The following SNTG1 variants were observed in gnomAD, a reference collection of about 807,000 sequenced individuals.
SNTG1 encodes the protein gamma-1-syntrophin.
In SNTG1, 39 loss-of-function variants were observed where a neutral mutation model predicts 74.7. That is an observed-to-expected ratio of 0.52 (90% CI 0.40 to 0.68). SNTG1 has a LOEUF of 0.68. SNTG1 is among the 30% of genes least tolerant of loss of function. The pLI, the probability that SNTG1 is intolerant of heterozygous loss-of-function variation, is 0.00. For synonymous variants in SNTG1, 254 were observed against 217.1 expected, an observed-to-expected ratio of 1.17 and a Z score of -1.49; for missense variants, 685 against 609.5, an observed-to-expected ratio of 1.12 and a Z score of -1.30.
intron 1 of SNTG1, among the ~76,000 whole-genome samples, chr8:50,078,576 G>C (rs140601413): frequency 6.0e-4 from 91 of 151,986 alleles, no homozygotes; most frequent in African/African-American, 1.7e-3. Context: ...TTAAGTTCTG[G>C]GATACACCTG....
intron 1 of SNTG1, among the ~76,000 whole-genome samples, chr8:50,169,906 C>T (rs1187303053): frequency 1.3e-5 from 2 of 152,198 alleles, no homozygotes; most frequent in African/African-American, 2.4e-5. Flanking sequence ...TGAGTGTTCA[C>T]CCACTGCACT....
At chr8:49,954,461 G>T (rs1809985525) in intron 1 of SNTG1, among the ~76,000 whole-genome samples, 1 of 152,138 alleles carries the variant, frequency 6.6e-6, no homozygotes, top group South Asian at 2.1e-4. Context: ...AAGGTGATTT[G>T]TTTATAAGTC....
At chr8:49,928,001 C>T (rs1807185895) in intron 1 of SNTG1, among the ~76,000 whole-genome samples, 1 of 151,236 alleles carries the variant, frequency 6.6e-6, no homozygotes, top group Admixed American at 6.6e-5. Context: ...TGGTGGCGTG[C>T]ACCTGTAGTC....
At chr8:50,582,623 T>C (rs2094618095) in intron 12 of SNTG1, among the ~76,000 whole-genome samples, 1 of 152,154 alleles carries the variant, frequency 6.6e-6, no homozygotes, top group South Asian at 2.1e-4. Context: ...ATTTTTCTTT[T>C]AGCAGAAAAT....
At position 49,954,770 on chromosome 8, in the gene SNTG1, G is replaced by A. The variant is rs536531249; in HGVS notation, c.-103+42539G>A. 1.6e-3 allele frequency among the ~76,000 whole-genome samples: 240 copies of A among 151,766 alleles called. 3 individuals are homozygous for A. Among genetic ancestry groups the A allele is most frequent in the African/African-American group, 5.6e-3 (231 of 41,400 alleles). On this transcript the variant is annotated intron_variant, in intron 1 of 18. Transcript: ENST00000642720. ...TCCTATTTCTTTTTTAAAGCATATC[G>A]ACTTACTTATTGTTCTGCAATATTA...
intron 1 of SNTG1, among the ~76,000 whole-genome samples, chr8:50,016,556 T>G (rs946711096): frequency 6.6e-6 from 1 of 152,132 alleles, no homozygotes; most frequent in Non-Finnish European, 1.5e-5. Flanking sequence ...TTTGCAAAGC[T>G]TCTTGAACCA....
intron 1 of SNTG1, among the ~76,000 whole-genome samples, chr8:50,056,173 A>G (rs981612427): frequency 3.9e-5 from 6 of 152,130 alleles, no homozygotes; most frequent in Admixed American, 2.0e-4. Flanking sequence ...TCCTGCTTTA[A>G]TCTAAGGATT....
In SNTG1 at chr8:50,793,771, A is replaced by G. The variant is rs1212097769; in HGVS notation, c.*942A>G. 2 of 151,956 alleles carry G rather than the reference A, an allele frequency of 1.3e-5. No individual in the cohort carries two copies. Among genetic ancestry groups the G allele is most frequent in the East Asian group, 3.8e-4 (2 of 5,198 alleles). The allele number at this position is 151,956 out of a possible 1,614,324, so 9.4% of individuals were successfully genotyped here. ...GAAGTCTACTAGTTAATCATGAACT[A>G]AAATGTCCCCCGAAAACAGTCCCAA... On this transcript the variant is annotated 3_prime_UTR_variant, in exon 19 of 19. Transcript: ENST00000642720.
intron 2 of SNTG1, among the ~76,000 whole-genome samples, chr8:50,275,703 C>T (rs1234368737): frequency 6.6e-6 from 1 of 152,162 alleles, no homozygotes; most frequent in Non-Finnish European, 1.5e-5. Context: ...CTTCAAGCTT[C>T]ACCACATTCA....
intron 17 of SNTG1, among the ~76,000 whole-genome samples, chr8:50,729,815 T>A (rs2095508595): frequency 6.6e-6 from 1 of 152,154 alleles, no homozygotes; most frequent in African/African-American, 2.4e-5. Context: ...GCTTTGATTG[T>A]CCTACAGAGT....
chr8:50,135,852 G>A (rs866369925), intron 1 of SNTG1, among the ~76,000 whole-genome samples: 12 of 152,202 alleles, frequency 7.9e-5, no homozygotes, highest in African/African-American at 2.4e-4. Flanking sequence ...TTGTCTCCCA[G>A]GTAACGAACA....
At chr8:49,926,649 C>G (rs921232379) in intron 1 of SNTG1, among the ~76,000 whole-genome samples, 1 of 151,948 alleles carries the variant, frequency 6.6e-6, no homozygotes, top group Admixed American at 6.6e-5. Context: ...TTGAAGATAT[C>G]ATAAGAGAAA....
At chr8:50,485,636 T>C (rs2093785498) in intron 8 of SNTG1, among the ~76,000 whole-genome samples, 1 of 150,260 alleles carries the variant, frequency 6.7e-6, no homozygotes, top group Admixed American at 6.6e-5. Context: ...TTCACTCTGA[T>C]GGTAGTTTCT....
At chr8:49,980,069 C>A (rs16914138) in intron 1 of SNTG1, among the ~76,000 whole-genome samples, 7,456 of 152,170 alleles carry the variant, frequency 0.049, 605 homozygotes, top group African/African-American at 0.17. Context: ...AAGGAAAAAA[C>A]CACACAGCAG....
At chr8:50,115,607 T>C in intron 1 of SNTG1, among the ~76,000 whole-genome samples, 1 of 102,824 alleles carries the variant, frequency 9.7e-6, no homozygotes. Context: ...TGAAGGCCTT[T>C]GTAGGAAAGT....
intron 16 of SNTG1, among the ~76,000 whole-genome samples, chr8:50,706,274 T>C (rs1242496359): frequency 6.6e-6 from 1 of 152,120 alleles, no homozygotes; most frequent in Non-Finnish European, 1.5e-5. Context: ...ATAGATATTA[T>C]ATCAAAAATG....
At chr8:50,540,892 G>A (rs937687715) in intron 11 of SNTG1, among the ~76,000 whole-genome samples, 1 of 151,386 alleles carries the variant, frequency 6.6e-6, no homozygotes. Context: ...TGCCCCTTCT[G>A]CATTAAATAT....
chr8:50,051,777 G>A (rs961872510), intron 1 of SNTG1, among the ~76,000 whole-genome samples: 2 of 152,012 alleles, frequency 1.3e-5, no homozygotes, highest in Non-Finnish European at 2.9e-5. Context: ...ATTGGACTAG[G>A]AAGTGACCCT....
At chr8:50,528,053 C>T (rs753664819) in intron 9 of SNTG1, among the ~76,000 whole-genome samples, 2 of 151,898 alleles carry the variant, frequency 1.3e-5, no homozygotes, top group African/African-American at 2.4e-5. Context: ...GCATTCTTAA[C>T]GTTTTTCTAT....
Sources: allele counts gnomAD v4.1 joint callset (sites outside exome capture counted in the v4.1 genomes callset), GRCh38; gene constraint gnomAD v4.1.1; transcripts MANE v1.5; gene names NCBI Gene and HGNC (gene_info 2026-07-23, HGNC 2026-07-21).